The following EIF3E variants were observed in gnomAD, a reference collection of about 807,000 sequenced individuals.
EIF3E encodes eukaryotic translation initiation factor 3 subunit E, also known as eIF-3 p48.
In EIF3E, 25 loss-of-function variants were observed where a neutral mutation model predicts 59.3. That is an observed-to-expected ratio of 0.42 (90% CI 0.31 to 0.59). The LOEUF (loss-of-function observed/expected upper bound fraction) is 0.59, where lower values mean the gene tolerates loss of function less well. EIF3E is among the 20% of genes least tolerant of loss of function. The pLI is 0.15. For missense variants in EIF3E, 317 were observed against 534.3 expected, an observed-to-expected ratio of 0.59 and a Z score of 4.01; for synonymous variants, 176 against 170.2, an observed-to-expected ratio of 1.03 and a Z score of -0.26.
chr8:108,216,028 T>C (rs1260356779), intron 9 of EIF3E, among the ~76,000 whole-genome samples: 1 of 152,198 alleles, frequency 6.6e-6, no homozygotes, highest in Non-Finnish European at 1.5e-5. Flanking sequence ...ACAGTTGTTA[T>C]TTGCAATTCA....
chr8:108,206,769 C>A (rs756595592), intron 10 of EIF3E, among the ~76,000 whole-genome samples: 1 of 152,116 alleles, frequency 6.6e-6, no homozygotes, highest in Non-Finnish European at 1.5e-5. Flanking sequence ...CGCCACTGTA[C>A]TCCAGCTTGG....
At chr8:108,242,602 T>G in intron 1 of EIF3E, 1 of 1,170,954 alleles carries the variant, frequency 8.5e-7, no homozygotes, top group South Asian at 1.7e-5. Flanking sequence ...TGCCACAATA[T>G]TTCACTGCCC....
intron 7 of EIF3E, among the ~76,000 whole-genome samples, chr8:108,224,216 C>T (rs1032954095): frequency 1.3e-5 from 2 of 150,650 alleles, no homozygotes; most frequent in Non-Finnish European, 2.9e-5. Context: ...AGTGAGACTC[C>T]GTCTCAAAAA....
chr8:108,231,693 C>A (rs1446846680), intron 5 of EIF3E: 1 of 152,052 alleles, frequency 6.6e-6, no homozygotes, highest in African/African-American at 2.4e-5. Context: ...GTGCTAATAA[C>A]TGTTAAAGCA....
At chr8:108,244,190 A>G (rs1815900145) in intron 1 of EIF3E, among the ~76,000 whole-genome samples, 1 of 152,242 alleles carries the variant, frequency 6.6e-6, no homozygotes, top group Non-Finnish European at 1.5e-5. Flanking sequence ...TAATAAGAAT[A>G]GAATGCTTTT....
At chr8:108,235,348 G>A (rs952106988) in intron 4 of EIF3E, among the ~76,000 whole-genome samples, 1 of 152,160 alleles carries the variant, frequency 6.6e-6, no homozygotes, top group Non-Finnish European at 1.5e-5. Flanking sequence ...GGTCGGGGAG[G>A]TGGTTTCAGG....
rs551893429 is a variant in EIF3E, at chr8:108,211,412, T to C, written c.1061+3195A>G. On this transcript the variant is annotated intron_variant, in intron 10 of 12. Transcript: ENST00000220849. ...AATGTCTTCTTTTCAGAAGTATCTG[T>C]TCATATCCTTTGCCCACTTTTTGAT... 3.3e-5 allele frequency among the ~76,000 whole-genome samples: 5 copies of C among 152,356 alleles called. No homozygotes were observed. The South Asian group carries it at 1.0e-3, about 32-fold the overall frequency.
chr8:108,242,782 G>T, intron 1 of EIF3E: 1 of 532,250 alleles, frequency 1.9e-6, no homozygotes, highest in Non-Finnish European at 2.4e-6. Flanking sequence ...ATGGCCAACA[G>T]ACACATGAAA....
chr8:108,227,425 A>G (rs767122216), intron 7 of EIF3E: 3 of 152,246 alleles, frequency 2.0e-5, no homozygotes, highest in Non-Finnish European at 2.9e-5. Context: ...ATCTTAGGCT[A>G]TATTAGTAAA....
At chr8:108,247,955 A>G (rs1237981858) in intron 1 of EIF3E, among the ~76,000 whole-genome samples, 1 of 149,184 alleles carries the variant, frequency 6.7e-6, no homozygotes, top group Admixed American at 6.8e-5. Context: ...TTAACGACCA[A>G]TTCAAACCAC....
At chr8:108,214,005 C>T (rs1013447280) in intron 10 of EIF3E, among the ~76,000 whole-genome samples, 18 of 152,308 alleles carry the variant, frequency 1.2e-4, no homozygotes, top group Admixed American at 1.0e-3. Context: ...CCAAAGGGCA[C>T]TAGTCATTTT....
At position 108,217,366 on chromosome 8, in the gene EIF3E, C is replaced by T. The variant is rs1815323838; in HGVS notation, c.817G>A (p.Val273Ile). 1.3e-6 allele frequency: 2 copies of T among 1,576,418 alleles called. No homozygotes were observed. Among genetic ancestry groups the T allele is most frequent in the South Asian group, 2.3e-5 (2 of 86,198 alleles). ...ATAACTTTAACTAGATCTTTTAGAA[C>T]CTGCCGACGTTTTCGAACATCCTTG... The part of the protein sequence containing the change: ...TNKDVRKRRQ[V>I]LKDLVKVIQQ... Residue 273 changes from valine (V) to isoleucine (I), a missense_variant, in exon 8 of 13, where the codon GTT (valine) becomes ATT (isoleucine). Physicochemically the swap from Val to Ile is conservative, Grantham distance 29. This residue lies in a region of EIF3E where 242 missense variants were observed against 398.0 expected (regional missense o/e 0.61). Transcript: ENST00000220849.
chr8:108,222,214 T>TA (rs929044605), intron 7 of EIF3E, among the ~76,000 whole-genome samples: 1 of 152,050 alleles, frequency 6.6e-6, no homozygotes, highest in African/African-American at 2.4e-5. Context: ...AGCTAATTTC[T>TA]AAAAAAATGT....
chr8:108,242,804 G>A lies in EIF3E; in HGVS notation c.91-891C>T, dbSNP rs116762074. 2.3e-3 allele frequency: 736 copies of A among 323,646 alleles called. 6 individuals carry two copies. Among genetic ancestry groups the A allele is most frequent in the African/African-American group, 0.016 (693 of 44,456 alleles). 20.0% of individuals were successfully genotyped at this position (323,646 alleles called of 1,614,324 possible). On this transcript the variant is annotated intron_variant, in intron 1 of 12. Transcript: ENST00000220849. ...ACAGACACATGAAAAGGTTCTCAACGTCATTAATCATAAGGAAATGCATAC... is the reference window on the plus strand; with the variant it reads ...ACAGACACATGAAAAGGTTCTCAACATCATTAATCATAAGGAAATGCATAC...
chr8:108,242,313 C>T (rs1815854685), intron 1 of EIF3E: 1 of 1,289,856 alleles, frequency 7.8e-7, no homozygotes, highest in Non-Finnish European at 1.0e-6. Flanking sequence ...TAATAAACTC[C>T]TATATGCTTC....
intron 7 of EIF3E, chr8:108,228,046 C>A: frequency 2.7e-6 from 1 of 368,854 alleles, no homozygotes; most frequent in Non-Finnish European, 4.7e-6. Context: ...CCAGGGACCA[C>A]ACTTTAAATA....
In EIF3E at chr8:108,228,251, C is replaced by A. The variant is rs751373323; in HGVS notation, c.722+16G>T. ...TTATCTAAACAAAGCCAAAATTACA[C>A]AGTGAAATAACTTACTGTGGCTGAT... is the stretch of plus-strand genomic sequence containing the variant. On this transcript the variant is annotated intron_variant, in intron 7 of 12. Coordinates refer to ENST00000220849, the MANE Select transcript of EIF3E (RefSeq NM_001568.3). 2.6e-6 allele frequency: 4 copies of A among 1,565,190 alleles called. No homozygotes were observed. Among genetic ancestry groups the A allele is most frequent in the Middle Eastern group, 3.6e-4 (2 of 5,548 alleles).
chr8:108,221,301 G>A (rs960589743), intron 7 of EIF3E, among the ~76,000 whole-genome samples: 1 of 152,134 alleles, frequency 6.6e-6, no homozygotes, highest in Non-Finnish European at 1.5e-5. Context: ...ATGAGGCAAT[G>A]CTCTGGGCTA....
In EIF3E at chr8:108,236,110, A is replaced by G. The variant is rs780455569; in HGVS notation, c.366+51T>C. 7 of 1,509,264 alleles carry G rather than the reference A, an allele frequency of 4.6e-6. No individual in the cohort carries two copies. In the South Asian group the frequency reaches 8.5e-5, roughly 18 times the overall value. 93.5% of individuals were successfully genotyped at this position (1,509,264 alleles called of 1,614,324 possible). Reference sequence around the variant, plus strand: ...AGCTCATCTGTACAAACCAGTCTTTAGTCAGCATTATTAAAACATGACAAC... The same window carrying G: ...AGCTCATCTGTACAAACCAGTCTTTGGTCAGCATTATTAAAACATGACAAC... On this transcript the variant is annotated intron_variant, in intron 4 of 12. Transcript: ENST00000220849.
Sources: allele counts gnomAD v4.1 joint callset (sites outside exome capture counted in the v4.1 genomes callset), GRCh38; gene constraint gnomAD v4.1.1; regional missense constraint gnomAD v4.1.1; transcripts MANE v1.5; gene names NCBI Gene and HGNC (gene_info 2026-07-23, HGNC 2026-07-21).